The following ZNF454 variants were observed in gnomAD, a reference collection of about 807,000 sequenced individuals.
The protein encoded by ZNF454 is zinc finger protein 454.
ZNF454 carries 30 observed loss-of-function variants against 48.2 expected under a neutral mutation model. The ratio of observed to expected loss-of-function variants is 0.62; its 90% CI spans 0.47 to 0.84. ZNF454 has a LOEUF of 0.84. Ranked by LOEUF, ZNF454 falls within the 40% of genes least tolerant of loss-of-function variation. ZNF454 has a pLI of 0.00. For synonymous variants in ZNF454, 204 were observed against 211.4 expected (o/e 0.97, Z 0.30); for missense variants, 510 against 623.1 (o/e 0.82, Z 1.93).
chr5:178,986,996 T>A, the ZNF454 span: 3 of 1,611,418 alleles, frequency 1.9e-6, no homozygotes, highest in Non-Finnish European at 1.7e-6. Flanking sequence ...GGAGAGAGAG[T>A]CCGTCATCCT....
In ZNF454 at chr5:178,946,443, AG is replaced by A. The variant is rs765353785; in HGVS notation, c.121del (p.Asp41ThrfsTer2). On this transcript the variant is annotated frameshift_variant, in exon 3 of 5. Coordinates refer to ENST00000519564, the MANE Select transcript of ZNF454 (RefSeq NM_001178089.3). LOFTEE classifies it high-confidence loss of function. This position sits in a 1 kb window ranked among gnomAD's most constrained non-coding sequence, Gnocchi z 4.5. ...QLSPAQRALY[R>X]DVMLENYSNL... is the part of the protein sequence containing the mutation. ...GAGCCCCGCCCAGAGGGCCCTGTAC[AG>A]GGACGTGATGCTGGAGAACTACAGC... The A allele has an allele frequency of 6.2e-7, 1 of 1,610,432 alleles. No individual in the cohort carries two copies. The highest frequency in any genetic ancestry group is 8.5e-7 in the Non-Finnish European group (1 of 1,178,996).
chr5:178,974,589 A>C, the ZNF454 span, among the ~76,000 whole-genome samples: 1 of 152,136 alleles, frequency 6.6e-6, no homozygotes, highest in African/African-American at 2.4e-5. Context: ...AAGTACCGGG[A>C]TTAGAGGCGT....
At chr5:178,948,595 G>A (rs1759429096) in intron 4 of ZNF454, among the ~76,000 whole-genome samples, 1 of 152,158 alleles carries the variant, frequency 6.6e-6, no homozygotes. Context: ...ACAGTTCAGT[G>A]CATCTGGGCC....
the ZNF454 span, chr5:178,981,583 C>G: frequency 2.0e-3 from 2,360 of 1,170,994 alleles, 33 homozygotes; most frequent in East Asian, 0.039. The surrounding 1 kb of genome is among the most constrained non-coding windows in gnomAD (Gnocchi z 5.1). Flanking sequence ...TGGACCCGGG[C>G]TCTATACAGC....
chr5:178,986,718 C>T, the ZNF454 span: 2 of 1,605,092 alleles, frequency 1.2e-6, no homozygotes, highest in East Asian at 4.5e-5. Flanking sequence ...ACGAGGGCAC[C>T]TCGTGGGGGT....
chr5:178,954,512 T>A (rs1328820241), intron 4 of ZNF454, among the ~76,000 whole-genome samples: 1 of 152,204 alleles, frequency 6.6e-6, no homozygotes, highest in East Asian at 1.9e-4. Context: ...TCCACAACTT[T>A]GTCTTCCAAC....
chr5:178,974,518 C>T, the ZNF454 span, among the ~76,000 whole-genome samples: 1 of 152,102 alleles, frequency 6.6e-6, no homozygotes, highest in Non-Finnish European at 1.5e-5. Context: ...CGGGGTTTCA[C>T]CGTGTTAGCC....
At chr5:178,953,545 C>T (rs939023594) in intron 4 of ZNF454, among the ~76,000 whole-genome samples, 9 of 152,234 alleles carry the variant, frequency 5.9e-5, no homozygotes, top group East Asian at 1.9e-4. Flanking sequence ...CACTGTGTCT[C>T]GTGTCTTCTT....
chr5:178,955,039 G>A (rs1759693221), intron 4 of ZNF454, among the ~76,000 whole-genome samples: 1 of 152,212 alleles, frequency 6.6e-6, no homozygotes, highest in South Asian at 2.1e-4. Flanking sequence ...TAGTTTACAT[G>A]TTTTTTTGTG....
intron 4 of ZNF454, among the ~76,000 whole-genome samples, chr5:178,955,594 A>G (rs543856095): frequency 5.9e-5 from 9 of 152,312 alleles, no homozygotes; most frequent in African/African-American, 1.4e-4. Flanking sequence ...ATTTTGTTAA[A>G]GAGTTTGCAT....
downstream of ZNF454, among the ~76,000 whole-genome samples, chr5:178,970,478 C>T (rs1170320187): frequency 6.6e-6 from 1 of 152,222 alleles, no homozygotes; most frequent in Non-Finnish European, 1.5e-5. Context: ...TTGCAGGTGC[C>T]AGCACTGGGT....
chr5:178,985,689 C>T, the ZNF454 span: 297 of 386,306 alleles, frequency 7.7e-4, 4 homozygotes, highest in South Asian at 3.2e-3. Context: ...GGCGACACAG[C>T]GAGACTCTGT....
the ZNF454 span, among the ~76,000 whole-genome samples, chr5:178,972,471 G>T: frequency 6.6e-6 from 1 of 152,116 alleles, no homozygotes; most frequent in Non-Finnish European, 1.5e-5. Flanking sequence ...ACAAGTCGGT[G>T]CTGCCTGGCA....
At chr5:178,985,291 G>A in the ZNF454 span, 1 of 456,104 alleles carries the variant, frequency 2.2e-6, no homozygotes, top group Non-Finnish European at 4.4e-6. Context: ...ATCTCTGGAG[G>A]CCCACACTCC....
rs1191408162 is a variant in ZNF454 at position 178,946,330 on chromosome 5, G to C, written c.34-29G>C. On this transcript the variant is annotated intron_variant, in intron 2 of 4. Transcript: ENST00000519564. This position sits in a 1 kb window ranked among gnomAD's most constrained non-coding sequence, Gnocchi z 4.5. ...AGAACCATGTGCAGGGGTAGCCCCT[G>C]GTCAAGGAGAATGAATTTGCTGTTG... is the stretch of plus-strand genomic sequence containing the variant. The C allele has an allele frequency of 6.2e-7, 1 of 1,610,404 alleles. No individual in the cohort carries two copies. Among genetic ancestry groups the C allele is most frequent in the Admixed American group, 1.7e-5 (1 of 59,086 alleles).
At chr5:178,977,680 C>T in the ZNF454 span, among the ~76,000 whole-genome samples, 1 of 152,206 alleles carries the variant, frequency 6.6e-6, no homozygotes, top group East Asian at 1.9e-4. Context: ...AGCGATTCTC[C>T]AGCCTCAGCC....
the ZNF454 span, chr5:178,983,181 T>A: frequency 5.0e-6 from 8 of 1,613,312 alleles, no homozygotes; most frequent in Non-Finnish European, 6.8e-6. Flanking sequence ...AATCACGCTG[T>A]GTGGGGGCCG....
the ZNF454 span, among the ~76,000 whole-genome samples, chr5:178,988,388 G>T: frequency 6.6e-6 from 1 of 152,056 alleles, no homozygotes; most frequent in South Asian, 2.1e-4. This position sits in a 1 kb window ranked among gnomAD's most constrained non-coding sequence, Gnocchi z 6.0. Flanking sequence ...TTGTGTAAAG[G>T]ATAGTGATTG....
intron 2 of ZNF454, among the ~76,000 whole-genome samples, chr5:178,943,887 C>A (rs1348298033): frequency 1.3e-5 from 2 of 152,090 alleles, no homozygotes; most frequent in African/African-American, 2.4e-5. Flanking sequence ...ATTAGCTGGG[C>A]GTGGTGGTGG....
Sources: gnomAD v4.1 joint callset for allele counts (sites outside exome capture counted in the v4.1 genomes callset) on GRCh38, gnomAD v4.1.1 for gene constraint, Gnocchi (gnomAD v3.1) non-coding constraint, MANE v1.5 for transcripts, NCBI Gene and HGNC (gene_info 2026-07-23, HGNC 2026-07-21) for gene names.